The following PRKRA variants were observed in gnomAD, a reference collection of about 807,000 sequenced individuals.
The protein encoded by PRKRA is interferon-inducible double-stranded RNA-dependent protein kinase activator A.
In PRKRA, 22 loss-of-function variants were observed where a neutral mutation model predicts 32.4. The ratio of observed to expected loss-of-function variants is 0.68; its 90% confidence interval spans 0.49 to 0.97. The LOEUF is 0.97. Ranked by LOEUF, PRKRA falls within the 50% of genes least tolerant of loss-of-function variation. The pLI, the probability that PRKRA is intolerant of heterozygous loss-of-function variation, is 0.00. For synonymous variants in PRKRA, 139 were observed against 129.8 expected (o/e 1.07, Z -0.48); for missense variants, 319 against 375.6 (o/e 0.85, Z 1.25).
chr2:178,451,032 G>A lies in PRKRA; in HGVS notation c.-2C>T. ...GGCGCGGTGCCTGCTCTGGGACATG[G>A]CGAGAAGGGACGGCTCAGCGGCTGG... is the stretch of plus-strand genomic sequence containing the variant. On this transcript the variant is annotated 5_prime_UTR_variant, in exon 1 of 8. Coordinates refer to ENST00000325748, the MANE Select transcript of PRKRA (RefSeq NM_003690.5). 2 of 1,556,328 alleles carry A rather than the reference G, an allele frequency of 1.3e-6. No individual in the cohort carries two copies. Among genetic ancestry groups the A allele is most frequent in the Non-Finnish European group, 1.7e-6 (2 of 1,156,430 alleles).
intron 7 of PRKRA, among the ~76,000 whole-genome samples, chr2:178,432,644 G>C (rs1696714187): frequency 6.6e-6 from 1 of 152,118 alleles, no homozygotes; most frequent in African/African-American, 2.4e-5. Flanking sequence ...TTCTCAAAAG[G>C]GAAAGAACCA....
At position 178,431,700 on chromosome 2, in the gene PRKRA, A is replaced by T. The variant is rs1015786912; in HGVS notation, c.*397T>A. On this transcript the variant is annotated 3_prime_UTR_variant, in exon 8 of 8. Coordinates refer to ENST00000325748, the MANE Select transcript of PRKRA (RefSeq NM_003690.5). ...AGGCCTGTTAGTGCTGTCCCTCAAG[A>T]CTCTAATTCTAAAGGGCTTCCTTTG... The T allele has an allele frequency of 3.8e-5, 10 of 265,462 alleles. No individual in the cohort carries two copies. Among genetic ancestry groups the T allele is most frequent in the Non-Finnish European group, 6.6e-5 (9 of 136,282 alleles). 16.4% of individuals were successfully genotyped at this position (265,462 alleles called of 1,614,324 possible). A position where few individuals can be genotyped will look rare whatever the true frequency, so the allele number is the denominator to read the frequency against.
intron 5 of PRKRA, among the ~76,000 whole-genome samples, chr2:178,442,205 C>T (rs554119090): frequency 2.6e-5 from 4 of 152,166 alleles, no homozygotes; most frequent in African/African-American, 4.8e-5. Context: ...CTAATTCTTA[C>T]ACTTTTGAAG....
intron 6 of PRKRA, among the ~76,000 whole-genome samples, chr2:178,438,417 G>A (rs1163273897): frequency 6.6e-6 from 1 of 152,132 alleles, no homozygotes; most frequent in East Asian, 1.9e-4. Flanking sequence ...CTCACCCACT[G>A]ATCTGAAATC....
intron 2 of PRKRA, among the ~76,000 whole-genome samples, chr2:178,449,767 T>C (rs995015600): frequency 1.3e-5 from 2 of 152,230 alleles, no homozygotes; most frequent in African/African-American, 4.8e-5. Context: ...CTCATTTTGT[T>C]TGGATACAGA....
chr2:178,440,365 T>A (rs945623746), intron 6 of PRKRA: 24 of 152,198 alleles, frequency 1.6e-4, no homozygotes, highest in Non-Finnish European at 2.6e-4. Flanking sequence ...TACTCTCAGA[T>A]AATGTACCAC....
intron 3 of PRKRA, among the ~76,000 whole-genome samples, chr2:178,444,713 C>T (rs1559357274): frequency 6.6e-6 from 1 of 151,940 alleles, no homozygotes; most frequent in Non-Finnish European, 1.5e-5. Context: ...ATCCTTTTAC[C>T]CCAGTGGTTT....
chr2:178,432,114 T>A lies in PRKRA; in HGVS notation c.925A>T (p.Ile309Leu). The change falls in exon 8 of 8, where the codon ATA becomes TTA. Residue 309 changes from isoleucine to leucine, a missense_variant. Transcript: ENST00000325748. ...CTCCAGATTTACTTTCTTTCTGCTA[T>A]TATCTTTAAATACTGCAAAGCATTG... ...AHNALQYLKI[I>L]AERK The A allele has an allele frequency of 6.2e-7, 1 of 1,614,240 alleles. No homozygotes were observed. Among genetic ancestry groups the A allele is most frequent in the Non-Finnish European group, 8.5e-7 (1 of 1,180,048 alleles).
At position 178,450,983 on chromosome 2, in the gene PRKRA, C is replaced by T. The variant is rs1697604877; in HGVS notation, c.48G>A (p.Glu16=). 1 of 1,563,624 alleles carries T rather than the reference C, an allele frequency of 6.4e-7. No homozygotes were observed. The highest frequency in any genetic ancestry group is 8.6e-7 in the Non-Finnish European group (1 of 1,159,736). The stretch of plus-strand genomic sequence containing the variant: ...ACGCTGACCTGAAGGTCCCACTGTC[C>T]TCGCGCTCCAGCGGCGGGGCCTCGG... The part of the protein sequence containing the change: ...HRAEAPPLER[E]DSGTFSLGKM... The change falls in exon 1 of 8, where the codon GAG becomes GAA. Residue 16 remains glutamate, a synonymous_variant. Transcript: ENST00000325748.
chr2:178,435,402 A>G (rs1696848750), intron 7 of PRKRA, among the ~76,000 whole-genome samples: 1 of 151,622 alleles, frequency 6.6e-6, no homozygotes, highest in Admixed American at 6.6e-5. Context: ...AAAAAAAAAA[A>G]AAAAATCAAG....
intron 5 of PRKRA, among the ~76,000 whole-genome samples, chr2:178,442,440 A>C (rs995006780): frequency 6.6e-6 from 1 of 152,214 alleles, no homozygotes; most frequent in African/African-American, 2.4e-5. Context: ...AACAGGAATA[A>C]GAAAGGCACA....
intron 7 of PRKRA, 127 bp from the exon 8 acceptor site, chr2:178,432,381 C>T: frequency 1.6e-6 from 2 of 1,261,830 alleles, no homozygotes; most frequent in Non-Finnish European, 2.2e-6. Flanking sequence ...ACACCACTCG[C>T]AATCTTTGTT....
In PRKRA at chr2:178,444,650, A is replaced by G. The variant is rs142115054; in HGVS notation, c.318-150T>C. ...CTTTTCTCAGACCTCTTCTATGGGA[A>G]TCTGATCGGTCATCCAAGATATATC... On this transcript the variant is annotated intron_variant, in intron 3 of 7. Coordinates refer to ENST00000325748, the MANE Select transcript of PRKRA (RefSeq NM_003690.5). 167 of 687,332 alleles carry G rather than the reference A, an allele frequency of 2.4e-4. 2 individuals carry two copies. In the African/African-American group the frequency reaches 2.7e-3, roughly 11 times the overall value. The allele number at this position is 687,332 out of a possible 1,614,324, so 42.6% of individuals were successfully genotyped here. A position where few individuals can be genotyped will look rare whatever the true frequency, so the allele number is the denominator to read the frequency against.
intron 4 of PRKRA, chr2:178,443,905 G>T: frequency 5.8e-6 from 1 of 171,662 alleles, no homozygotes; most frequent in Non-Finnish European, 1.3e-5. Context: ...AATGGGGAGG[G>T]AAATGGCCTA....
chr2:178,450,345 C>A lies in PRKRA; in HGVS notation c.132G>T (p.Met44Ile). The change falls in exon 2 of 8, where the codon ATG becomes ATT. Residue 44 changes from methionine (M) to isoleucine (I), a missense_variant. By Grantham distance (10) the Met-to-Ile change is conservative. Coordinates refer to ENST00000325748, the MANE Select transcript of PRKRA (RefSeq NM_003690.5). ...TPIQVLHEYG[M>I]KTKNIPVYEC... ...CATAAACTGGGATGTTCTTGGTCTTCATGCCGTATTCGTGTAATACCTGAA... is the reference window on the plus strand; with the variant it reads ...CATAAACTGGGATGTTCTTGGTCTTAATGCCGTATTCGTGTAATACCTGAA... The A allele has an allele frequency of 1.2e-6, 2 of 1,614,290 alleles. No individual in the cohort carries two copies. The highest frequency in any genetic ancestry group is 1.7e-6 in the Non-Finnish European group (2 of 1,180,058).
At chr2:178,436,400 T>C (rs1214389894) in intron 6 of PRKRA, 81 bp from the exon 7 acceptor site, 2 of 1,168,222 alleles carry the variant, frequency 1.7e-6, no homozygotes, top group Non-Finnish European at 2.6e-6. Flanking sequence ...AAAGTACTTA[T>C]TAAGCACTCA....
intron 5 of PRKRA, among the ~76,000 whole-genome samples, chr2:178,442,458 G>A (rs886112072): frequency 2.0e-5 from 3 of 152,124 alleles, no homozygotes; most frequent in Non-Finnish European, 2.9e-5. Flanking sequence ...ACAGGGGATG[G>A]TGGAGTTGAA....
rs1207114487 is a variant in PRKRA at position 178,450,709 on chromosome 2, C to G, written c.65+257G>C. The G allele has an allele frequency of 5.0e-6, 7 of 1,395,240 alleles. No individual in the cohort carries two copies. In the African/African-American group the frequency reaches 5.8e-5, roughly 12 times the overall value. 86.4% of individuals were successfully genotyped at this position (1,395,240 alleles called of 1,614,324 possible). On this transcript the variant is annotated intron_variant, in intron 1 of 7. Transcript: ENST00000325748. ...CCGCAGCCTCTCAGGGAAAACCTGACGATCCCTTCCCGGGCGCGCCGACCG... is the reference window on the plus strand; with the variant it reads ...CCGCAGCCTCTCAGGGAAAACCTGAGGATCCCTTCCCGGGCGCGCCGACCG...
Position 178,450,369 on chromosome 2 carries a change from A to G in PRKRA, c.108T>C (p.Ile36=), listed in dbSNP as rs766343952. Residue 36 remains isoleucine (I), a synonymous_variant, in exon 2 of 8, where the codon ATT becomes ATC. Coordinates refer to ENST00000325748, the MANE Select transcript of PRKRA (RefSeq NM_003690.5). ...MITAKPGKTP[I]QVLHEYGMKT... is the part of the protein sequence containing the mutation. Reference sequence around the variant, plus strand: ...TCATGCCGTATTCGTGTAATACCTGAATCGGTGTTTTCCCTGGCTTAGCTG... The same window carrying G: ...TCATGCCGTATTCGTGTAATACCTGGATCGGTGTTTTCCCTGGCTTAGCTG... 3.1e-6 allele frequency: 5 copies of G among 1,614,124 alleles called. No individual in the cohort carries two copies. Among genetic ancestry groups the G allele is most frequent in the Non-Finnish European group, 4.2e-6 (5 of 1,180,060 alleles).
Sources: allele counts gnomAD v4.1 joint callset (sites outside exome capture counted in the v4.1 genomes callset), GRCh38; gene constraint gnomAD v4.1.1; transcripts MANE v1.5; gene names NCBI Gene and HGNC (gene_info 2026-07-23, HGNC 2026-07-21).